The following FAM13A variants were observed in gnomAD, a reference collection of about 807,000 sequenced individuals.
The protein encoded by FAM13A is protein FAM13A.
FAM13A carries 76 observed loss-of-function variants against 129.6 expected under a neutral mutation model. The ratio of observed to expected loss-of-function variants is 0.59; its 90% CI spans 0.49 to 0.71. The LOEUF is 0.71. FAM13A is among the 30% of genes least tolerant of loss of function. FAM13A has a pLI of 0.00. For synonymous variants in FAM13A, 443 were observed against 449.9 expected (o/e 0.98, Z 0.20); for missense variants, 1,108 against 1,249.3 (o/e 0.89, Z 1.70).
intron 10 of FAM13A, 31 bp downstream of exon 10, chr4:88,787,722 C>A (rs1395294452): frequency 1.2e-6 from 2 of 1,601,828 alleles, no homozygotes; most frequent in African/African-American, 1.3e-5. Context: ...AGAGAAAACT[C>A]AAGTAAGAGG....
At chr4:88,786,854 G>C (rs1056894045) in intron 10 of FAM13A, among the ~76,000 whole-genome samples, 71 of 150,450 alleles carry the variant, frequency 4.7e-4, no homozygotes, top group Admixed American at 1.8e-3. Flanking sequence ...GCGAATGAGG[G>C]GTGTGGGACT....
intron 5 of FAM13A, among the ~76,000 whole-genome samples, chr4:88,916,454 C>T (rs1005868012): frequency 1.3e-5 from 2 of 152,218 alleles, no homozygotes; most frequent in Non-Finnish European, 2.9e-5. Context: ...AGTTGAGATT[C>T]GTTTAGGTGT....
chr4:88,895,827 G>T (rs1746199513), intron 6 of FAM13A, among the ~76,000 whole-genome samples: 11 of 125,204 alleles, frequency 8.8e-5, no homozygotes, highest in African/African-American at 3.4e-4. Flanking sequence ...TGGTGGGACT[G>T]TAAACTAGTT....
At chr4:88,811,202 A>G (rs1388465589) in intron 7 of FAM13A, among the ~76,000 whole-genome samples, 1 of 152,176 alleles carries the variant, frequency 6.6e-6, no homozygotes, top group Non-Finnish European at 1.5e-5. Context: ...GGATATGCCC[A>G]GTAGTGGGCA....
At chr4:88,965,285 T>C (rs1560567929) in intron 4 of FAM13A, among the ~76,000 whole-genome samples, 1 of 152,358 alleles carries the variant, frequency 6.6e-6, no homozygotes, top group African/African-American at 2.4e-5. Context: ...TGATCCAAAG[T>C]AGACTCTGGG....
chr4:88,942,782 T>C (rs551945584), intron 4 of FAM13A, among the ~76,000 whole-genome samples: 1 of 152,220 alleles, frequency 6.6e-6, no homozygotes, highest in South Asian at 2.1e-4. Flanking sequence ...CCTATTTTCT[T>C]TGAAAAAAAT....
chr4:88,980,998 G>C (rs553716512), intron 4 of FAM13A, among the ~76,000 whole-genome samples: 3 of 152,204 alleles, frequency 2.0e-5, no homozygotes, highest in Admixed American at 6.5e-5. Flanking sequence ...TAACATCTTG[G>C]ATAGAAGAAT....
Position 89,029,599 on chromosome 4 carries a change from TGCC to T in FAM13A, c.75_77del (p.Ala26del). 1.3e-6 allele frequency: 2 copies of T among 1,585,776 alleles called. No homozygotes were observed. Among genetic ancestry groups the T allele is most frequent in the Non-Finnish European group, 1.7e-6 (2 of 1,171,090 alleles). On this transcript the variant is annotated inframe_deletion, in exon 2 of 24. Coordinates refer to ENST00000264344, the MANE Select transcript of FAM13A (RefSeq NM_014883.4). ...AATCCTTCTGTTCATTTAATGGCACTGCCACTATCTTTTTCATGTCTTCTTTCA... is the reference window on the plus strand; with the variant it reads ...AATCCTTCTGTTCATTTAATGGCACTACTATCTTTTTCATGTCTTCTTTCA...
intron 7 of FAM13A, among the ~76,000 whole-genome samples, chr4:88,820,351 T>C (rs1731656559): frequency 6.6e-6 from 1 of 152,200 alleles, no homozygotes; most frequent in East Asian, 1.9e-4. Flanking sequence ...TGTCTGGTAA[T>C]GTGTCTGCAT....
chr4:89,011,627 C>G (rs1765746558), intron 3 of FAM13A, among the ~76,000 whole-genome samples: 1 of 152,088 alleles, frequency 6.6e-6, no homozygotes, highest in African/African-American at 2.4e-5. Flanking sequence ...TAACCTCAAC[C>G]TACTTTTTCA....
At chr4:88,896,117 G>T (rs1280598903) in intron 6 of FAM13A, among the ~76,000 whole-genome samples, 2 of 151,734 alleles carry the variant, frequency 1.3e-5, no homozygotes, top group African/African-American at 4.8e-5. Context: ...CATGTCCTTT[G>T]TAGGGACATG....
Position 88,750,411 on chromosome 4 carries a change from C to G in FAM13A, c.1940+13G>C. 1 of 1,604,242 alleles carries G rather than the reference C, an allele frequency of 6.2e-7. No individual in the cohort carries two copies. Among genetic ancestry groups the G allele is most frequent in the Non-Finnish European group, 8.5e-7 (1 of 1,170,910 alleles). On this transcript the variant is annotated intron_variant, in intron 15 of 23. Transcript: ENST00000264344. ...ATGATGCATTTGTCTATCAGCAACA[C>G]AGAGAAACATACCTCATGAAAGAAT...
intron 5 of FAM13A, among the ~76,000 whole-genome samples, chr4:88,917,168 G>C (rs1014252173): frequency 6.6e-6 from 1 of 152,176 alleles, no homozygotes; most frequent in South Asian, 2.1e-4. Context: ...AAAGAAAAAA[G>C]ATTTATTTGG....
chr4:88,861,952 C>T (rs1006134000), intron 6 of FAM13A, among the ~76,000 whole-genome samples: 16 of 152,300 alleles, frequency 1.1e-4, no homozygotes, highest in African/African-American at 3.6e-4. Flanking sequence ...TAGGATTTGA[C>T]TTGTGGCAAT....
At chr4:89,028,617 G>A (rs1768292918) in intron 2 of FAM13A, among the ~76,000 whole-genome samples, 1 of 152,082 alleles carries the variant, frequency 6.6e-6, no homozygotes, top group South Asian at 2.1e-4. Flanking sequence ...CTTGAGCCCT[G>A]AAGTATGAGA....
chr4:88,731,151 C>A (rs1401630654), intron 23 of FAM13A, among the ~76,000 whole-genome samples, 176 bp downstream of exon 23: 1 of 152,194 alleles, frequency 6.6e-6, no homozygotes, highest in Admixed American at 6.5e-5. Context: ...CAAATCCCAT[C>A]ATCTCACAGT....
Position 89,046,708 on chromosome 4 carries a change from G to T in FAM13A, c.27+10230C>A, listed in dbSNP as rs1253244249. 3.3e-5 allele frequency among the ~76,000 whole-genome samples: 5 copies of T among 152,166 alleles called. No homozygotes were observed. The South Asian group carries it at 1.0e-3, about 32-fold the overall frequency. On this transcript the variant is annotated intron_variant, in intron 1 of 23. Transcript: ENST00000264344. ...CTGCAAAAAAATACAAAAATTAGCC[G>T]GGTGTAGAGGCATGTGCCTATAATC... is the stretch of plus-strand genomic sequence containing the variant.
intron 19 of FAM13A, among the ~76,000 whole-genome samples, chr4:88,745,363 G>A (rs924680024): frequency 1.3e-5 from 2 of 152,134 alleles, no homozygotes; most frequent in Non-Finnish European, 2.9e-5. Context: ...GGCTGAATGA[G>A]GGAATCTGTT....
rs751591814 is a variant in FAM13A at position 89,029,510 on chromosome 4, T to C, written c.167A>G (p.Asn56Ser). ...ATTCCACACTACTGCTGGAATGCCA[T>C]TCTCGGTGAGCCCCTGCCGTTCAAG... ...QELERQGLTE[N>S]GIPAVVWNIV... The change falls in exon 2 of 24, where the codon AAT becomes AGT. Residue 56 changes from asparagine (N) to serine (S), a missense_variant. Transcript: ENST00000264344. The C allele has an allele frequency of 6.3e-7, 1 of 1,595,846 alleles. No homozygotes were observed. Among genetic ancestry groups the C allele is most frequent in the South Asian group, 1.1e-5 (1 of 87,856 alleles).
Sources: gnomAD v4.1 joint callset for allele counts (sites outside exome capture counted in the v4.1 genomes callset) on GRCh38, gnomAD v4.1.1 for gene constraint, MANE v1.5 for transcripts, NCBI Gene and HGNC (gene_info 2026-07-23, HGNC 2026-07-21) for gene names.